Variants in TNFRSF9 observed in about 807,000 individuals in gnomAD.
TNFRSF9 encodes tumor necrosis factor receptor superfamily member 9.
TNFRSF9 carries 16 observed loss-of-function variants against 28.8 expected under a neutral mutation model. That is an observed-to-expected ratio of 0.55 (90% confidence interval 0.38 to 0.84). TNFRSF9 has a LOEUF of 0.84. Among genes scored for constraint, TNFRSF9 ranks in the 40% least tolerant of loss-of-function variants. The probability of loss-of-function intolerance (pLI) is 0.00; values close to 1 mark genes in which losing one functional copy is unlikely to be tolerated. For synonymous variants in TNFRSF9, 131 were observed against 117.0 expected, an observed-to-expected ratio of 1.12 and a Z score of -0.77; for missense variants, 303 against 315.0, an observed-to-expected ratio of 0.96 and a Z score of 0.29.
At position 7,917,913 on chromosome 1, in the gene TNFRSF9, A is replaced by G. The variant is rs1257682059; in HGVS notation, c.*2922T>C. On this transcript the variant is annotated 3_prime_UTR_variant, in exon 8 of 8. Transcript: ENST00000377507. ...CTGCTAAAAATAAAAATAAAAAAGA[A>G]TTTTATAAAAAATTTTAAAAAGGGA... The G allele has an allele frequency of 2.0e-5, 3 of 150,838 alleles. No individual in the cohort carries two copies. The highest frequency in any genetic ancestry group is 6.7e-5 in the Admixed American group (1 of 15,024). The allele number at this position is 150,838 out of a possible 1,614,324, so 9.3% of individuals were successfully genotyped here. A position where few individuals can be genotyped will look rare whatever the true frequency, so the allele number is the denominator to read the frequency against.
In TNFRSF9 at chr1:7,939,989, T is replaced by C. The variant is rs932853586; in HGVS notation, c.6A>G (p.Gly2=). Reference sequence around the variant, plus strand: ...TGGCTACTATGTTGTAACAGCTGTTTCCCATGATGAAATCTGGCACAGGTA... The same window carrying C: ...TGGCTACTATGTTGTAACAGCTGTTCCCCATGATGAAATCTGGCACAGGTA... M[G]NSCYNIVATL... is the part of the protein sequence containing the mutation. The change falls in exon 2 of 8, where the codon GGA becomes GGG. Residue 2 remains glycine, a synonymous_variant. Coordinates refer to ENST00000377507, the MANE Select transcript of TNFRSF9 (RefSeq NM_001561.6). 1 of 1,589,698 alleles carries C rather than the reference T, an allele frequency of 6.3e-7. No homozygotes were observed. The highest frequency in any genetic ancestry group is 1.3e-5 in the African/African-American group (1 of 74,756).
At chr1:7,938,661 A>G in intron 3 of TNFRSF9, 60 bp downstream of exon 3, 1 of 1,381,210 alleles carries the variant, frequency 7.2e-7, no homozygotes, top group Non-Finnish European at 1.0e-6. Flanking sequence ...AGTAAATGGG[A>G]AAGAAAAGCT....
rs1259719437 is a variant in TNFRSF9, at chr1:7,920,734, A to G, written c.*101T>C. On this transcript the variant is annotated 3_prime_UTR_variant, in exon 8 of 8. Transcript: ENST00000377507. ...GTGTGTTGGGGGAATCCTGGGTATT[A>G]TGTAGGATGGTGTTCTTGCTTTTGA... is the stretch of plus-strand genomic sequence containing the variant. 3 of 930,802 alleles carry G rather than the reference A, an allele frequency of 3.2e-6. No individual in the cohort carries two copies. In the Admixed American group the frequency reaches 5.5e-5, roughly 17 times the overall value. The allele number at this position is 930,802 out of a possible 1,614,324, so 57.7% of individuals were successfully genotyped here. A position where few individuals can be genotyped will look rare whatever the true frequency, so the allele number is the denominator to read the frequency against.
At chr1:7,932,492 A>G (rs375638538) in intron 7 of TNFRSF9, among the ~76,000 whole-genome samples, 2 of 152,200 alleles carry the variant, frequency 1.3e-5, no homozygotes, top group Non-Finnish European at 2.9e-5. Flanking sequence ...CATGTAATCC[A>G]TACTGGTGCT....
chr1:7,939,767 A>T (rs1639874481), intron 2 of TNFRSF9, 128 bp downstream of exon 2: 1 of 657,118 alleles, frequency 1.5e-6, no homozygotes, highest in Admixed American at 2.7e-5. Context: ...CATCCAATAA[A>T]CATTTGTAAA....
chr1:7,928,571 A>G (rs1402990563), intron 7 of TNFRSF9, among the ~76,000 whole-genome samples: 1 of 152,196 alleles, frequency 6.6e-6, no homozygotes, highest in Non-Finnish European at 1.5e-5. Flanking sequence ...AGTTGTCAGA[A>G]TCAAAATGGA....
chr1:7,928,110 G>A (rs924558549), intron 7 of TNFRSF9, among the ~76,000 whole-genome samples: 1 of 152,160 alleles, frequency 6.6e-6, no homozygotes, highest in African/African-American at 2.4e-5. Context: ...CCAATGAGAT[G>A]TCACTACATA....
At position 7,917,911 on chromosome 1, in the gene TNFRSF9, G is replaced by T. The variant is rs1639501682; in HGVS notation, c.*2924C>A. On this transcript the variant is annotated 3_prime_UTR_variant, in exon 8 of 8. Transcript: ENST00000377507. The stretch of plus-strand genomic sequence containing the variant: ...CTCTGCTAAAAATAAAAATAAAAAA[G>T]AATTTTATAAAAAATTTTAAAAAGG... 6.9e-6 allele frequency: 1 copy of T among 145,858 alleles called. No individual in the cohort carries two copies. Among genetic ancestry groups the T allele is most frequent in the Non-Finnish European group, 1.5e-5 (1 of 66,278 alleles). The allele number at this position is 145,858 out of a possible 1,614,324, so 9.0% of individuals were successfully genotyped here. A position where few individuals can be genotyped will look rare whatever the true frequency, so the allele number is the denominator to read the frequency against.
rs1165270311 is a variant in TNFRSF9 at position 7,917,448 on chromosome 1, G to A, written c.*3387C>T. 1.3e-5 allele frequency: 2 copies of A among 152,152 alleles called. No homozygotes were observed. Among genetic ancestry groups the A allele is most frequent in the Non-Finnish European group, 2.9e-5 (2 of 68,092 alleles). 9.4% of individuals were successfully genotyped at this position (152,152 alleles called of 1,614,324 possible). On this transcript the variant is annotated 3_prime_UTR_variant, in exon 8 of 8. Transcript: ENST00000377507. Reference sequence around the variant, plus strand: ...GATTGCAGACCCGCAGGAGAAAGACGACGTATTGAATACATGGCGCAGGGA... The same window carrying A: ...GATTGCAGACCCGCAGGAGAAAGACAACGTATTGAATACATGGCGCAGGGA...
Position 7,916,032 on chromosome 1 carries a change from T to A in TNFRSF9, c.*4803A>T, listed in dbSNP as rs1321804772. ...GCGGTGGGCACCTCTCACCCACAGA[T>A]GGAAACATCTTCCTGTGGGGGAAGA... On this transcript the variant is annotated 3_prime_UTR_variant, in exon 8 of 8. Coordinates refer to ENST00000377507, the MANE Select transcript of TNFRSF9 (RefSeq NM_001561.6). The A allele has an allele frequency of 6.6e-6, 1 of 152,146 alleles. No homozygotes were observed. Among genetic ancestry groups the A allele is most frequent in the African/African-American group, 2.4e-5 (1 of 41,422 alleles). The allele number at this position is 152,146 out of a possible 1,614,324, so 9.4% of individuals were successfully genotyped here. A position where few individuals can be genotyped will look rare whatever the true frequency, so the allele number is the denominator to read the frequency against.
chr1:7,935,060 G>A lies in TNFRSF9; in HGVS notation c.497C>T (p.Ser166Phe), dbSNP rs750415022. 6.2e-7 allele frequency: 1 copy of A among 1,614,274 alleles called. No homozygotes were observed. The highest frequency in any genetic ancestry group is 2.2e-5 in the East Asian group (1 of 44,882). Residue 166 changes from serine to phenylalanine, a missense_variant, in exon 6 of 8, where the codon TCT becomes TTT. Physicochemically the swap from Ser to Phe is radical, Grantham distance 155. Coordinates refer to ENST00000377507, the MANE Select transcript of TNFRSF9 (RefSeq NM_001561.6). ...CGGGGTCACAGAGGATGCTCCCGGA[G>A]AGAGGTCGGCTGGAGATGGTCCACA... ...VVCGPSPADL[S>F]PGASSVTPPA... is the part of the protein sequence containing the mutation.
intron 7 of TNFRSF9, among the ~76,000 whole-genome samples, chr1:7,924,632 AAAAC>A (rs757119346): frequency 4.1e-4 from 63 of 152,158 alleles, no homozygotes; most frequent in African/African-American, 9.6e-4. Context: ...TCTCAAACAA[AAAAC>A]AAACAAACAA....
At chr1:7,935,241 T>C in intron 5 of TNFRSF9, 98 bp from the exon 6 acceptor site, 1 of 1,379,524 alleles carries the variant, frequency 7.2e-7, no homozygotes, top group Non-Finnish European at 9.9e-7. Context: ...AGTAGCCTAG[T>C]GAAAAAGATA....
Position 7,940,087 on chromosome 1 carries a change from G to T in TNFRSF9, c.-84-9C>A. 1 of 843,810 alleles carries T rather than the reference G, an allele frequency of 1.2e-6. No individual in the cohort carries two copies. Among genetic ancestry groups the T allele is most frequent in the Non-Finnish European group, 1.9e-6 (1 of 528,056 alleles). 52.3% of individuals were successfully genotyped at this position (843,810 alleles called of 1,614,324 possible). Reference sequence around the variant, plus strand: ...GTCTCACAAATGTCACTCTGCAAAAGATAAACATTTCCAAGGAAAGGTGGT... The same window carrying T: ...GTCTCACAAATGTCACTCTGCAAAATATAAACATTTCCAAGGAAAGGTGGT... On this transcript the variant is annotated splice_polypyrimidine_tract_variant and intron_variant, in intron 1 of 7. Transcript: ENST00000377507.
At chr1:7,933,752 C>A (rs991386176) in intron 6 of TNFRSF9, among the ~76,000 whole-genome samples, 13 of 152,050 alleles carry the variant, frequency 8.5e-5, no homozygotes, top group Non-Finnish European at 2.9e-5. Context: ...AGCGGTGGCT[C>A]ACACCTGTAA....
At chr1:7,925,360 T>A (rs1475577326) in intron 7 of TNFRSF9, among the ~76,000 whole-genome samples, 1 of 152,126 alleles carries the variant, frequency 6.6e-6, no homozygotes, top group Non-Finnish European at 1.5e-5. Context: ...AAGGTTAATT[T>A]ATTATTGAAG....
intron 7 of TNFRSF9, 153 bp downstream of exon 7, chr1:7,933,009 C>A: frequency 2.3e-6 from 2 of 869,618 alleles, no homozygotes; most frequent in South Asian, 3.7e-5. Flanking sequence ...TCTCCAGACA[C>A]TGCAAATATT....
intron 7 of TNFRSF9, 138 bp from the exon 8 acceptor site, chr1:7,921,061 C>A (rs1330973307): frequency 3.1e-6 from 2 of 641,048 alleles, no homozygotes; most frequent in African/African-American, 1.8e-5. Flanking sequence ...CTCAGCCAGG[C>A]GTGGTGGCTC....
At chr1:7,936,295 G>A (rs1639815255) in intron 5 of TNFRSF9, among the ~76,000 whole-genome samples, 1 of 152,078 alleles carries the variant, frequency 6.6e-6, no homozygotes, top group African/African-American at 2.4e-5. Flanking sequence ...GTGTGCACCT[G>A]TAATCCCAGC....
Sources: gnomAD v4.1 joint callset for allele counts (sites outside exome capture counted in the v4.1 genomes callset) on GRCh38, gnomAD v4.1.1 for gene constraint, MANE v1.5 for transcripts, NCBI Gene and HGNC (gene_info 2026-07-23, HGNC 2026-07-21) for gene names.